The following STPG1 variants were observed in gnomAD, a reference collection of about 807,000 sequenced individuals.
The protein encoded by STPG1 is O(6)-methylguanine-induced apoptosis 2.
Under a neutral mutation model 40.1 loss-of-function variants are expected in STPG1, and 33 were observed. The ratio of observed to expected loss-of-function variants is 0.82; its 90% CI spans 0.62 to 1.10. The LOEUF is 1.10. STPG1 is among the 50% of genes least tolerant of loss of function. The probability of loss-of-function intolerance (pLI) is 0.00; values close to 1 mark genes in which losing one functional copy is unlikely to be tolerated. For synonymous variants in STPG1, 150 were observed against 155.0 expected (o/e 0.97, Z 0.24); for missense variants, 396 against 415.1 (o/e 0.95, Z 0.40).
intron 1 of STPG1, among the ~76,000 whole-genome samples, chr1:24,410,112 AG>A (rs1200296385): frequency 2.6e-5 from 4 of 152,208 alleles, no homozygotes. Flanking sequence ...AGATGGAAAA[AG>A]CATTAAATTT....
At chr1:24,374,773 C>T (rs1304700343) in intron 5 of STPG1, among the ~76,000 whole-genome samples, 2 of 152,016 alleles carry the variant, frequency 1.3e-5, no homozygotes, top group Non-Finnish European at 2.9e-5. Context: ...TTCAGGCACA[C>T]GCCACCACAC....
At chr1:24,409,805 T>C (rs1468151600) in intron 1 of STPG1, among the ~76,000 whole-genome samples, 1 of 152,214 alleles carries the variant, frequency 6.6e-6, no homozygotes, top group Non-Finnish European at 1.5e-5. Flanking sequence ...GTCTCAGTGC[T>C]TGTGTTCAAG....
rs1195118761 is a variant in STPG1 at position 24,369,712 on chromosome 1, GGGGTTGTAATAACCAGGTCCCGGGCC to G, written c.673_698del (p.Gly225GlnfsTer2). Reference sequence around the variant, plus strand: ...TTTTTGGAACTTTTGTGCAATCACTGGGGTTGTAATAACCAGGTCCCGGGCCTGTTGACGTCAGTTTTAATCCACGG... The same window carrying G: ...TTTTTGGAACTTTTGTGCAATCACTGTGTTGACGTCAGTTTTAATCCACGG... On this transcript the variant is annotated frameshift_variant, in exon 7 of 9. Coordinates refer to ENST00000337248, the MANE Select transcript of STPG1 (RefSeq NM_001199013.2). LOFTEE classifies it high-confidence loss of function. The G allele has an allele frequency of 6.2e-7, 1 of 1,607,070 alleles. No individual in the cohort carries two copies. The highest frequency in any genetic ancestry group is 1.3e-5 in the African/African-American group (1 of 74,684).
intron 1 of STPG1, among the ~76,000 whole-genome samples, chr1:24,413,257 G>A (rs1228766347): frequency 6.6e-6 from 1 of 152,236 alleles, no homozygotes; most frequent in Non-Finnish European, 1.5e-5. Context: ...GAGGCCCAGA[G>A]CAGGGAAGTC....
intron 1 of STPG1, among the ~76,000 whole-genome samples, chr1:24,406,971 A>C (rs916478488): frequency 2.0e-5 from 3 of 152,190 alleles, no homozygotes; most frequent in Admixed American, 1.3e-4. Context: ...GTCTCTGTAA[A>C]TCTTTTCATT....
At chr1:24,413,167 G>A (rs1406770405) in intron 1 of STPG1, among the ~76,000 whole-genome samples, 4 of 152,204 alleles carry the variant, frequency 2.6e-5, no homozygotes, top group African/African-American at 9.6e-5. Context: ...AGTGTATCAG[G>A]GAGCTGGAAG....
chr1:24,401,567 T>C, intron 1 of STPG1, 111 bp from the exon 2 acceptor site: 29 of 621,628 alleles, frequency 4.7e-5, no homozygotes, highest in East Asian at 4.4e-4. Flanking sequence ...GGGTGCCGGC[T>C]GAGATCTACC....
chr1:24,384,595 G>C (rs1348395963), intron 3 of STPG1, among the ~76,000 whole-genome samples: 1 of 152,258 alleles, frequency 6.6e-6, no homozygotes, highest in Non-Finnish European at 1.5e-5. Flanking sequence ...AGAGGAATAA[G>C]TGAGAGGTCA....
chr1:24,358,014 T>A lies in STPG1; in HGVS notation c.*529A>T, dbSNP rs910368254. The A allele has an allele frequency of 2.8e-6, 1 of 355,410 alleles. No individual in the cohort carries two copies. Among genetic ancestry groups the A allele is most frequent in the Non-Finnish European group, 5.6e-6 (1 of 179,442 alleles). 22.0% of individuals were successfully genotyped at this position (355,410 alleles called of 1,614,324 possible). ...AAGCTGTGGACTGGTGGAAAAAGCA[T>A]CACCTGCCTGCAGGTAGCTTTCGCC... On this transcript the variant is annotated 3_prime_UTR_variant, in exon 9 of 9. Transcript: ENST00000337248.
chr1:24,358,169 C>A lies in STPG1; in HGVS notation c.*374G>T, dbSNP rs1429860791. 1 of 499,090 alleles carries A rather than the reference C, an allele frequency of 2.0e-6. No homozygotes were observed. The highest frequency in any genetic ancestry group is 1.9e-5 in the African/African-American group (1 of 51,946). 30.9% of individuals were successfully genotyped at this position (499,090 alleles called of 1,614,324 possible). A position where few individuals can be genotyped will look rare whatever the true frequency, so the allele number is the denominator to read the frequency against. On this transcript the variant is annotated 3_prime_UTR_variant, in exon 9 of 9. Transcript: ENST00000337248. ...AGGGTGGGGCTTCCAGGCTTGGCCA[C>A]CTTCAGGGTGGACTGATCCTCCTTG...
intron 6 of STPG1, among the ~76,000 whole-genome samples, chr1:24,370,310 C>T (rs976301672): frequency 6.9e-6 from 1 of 145,140 alleles, no homozygotes; most frequent in African/African-American, 2.6e-5. Flanking sequence ...ATGCAATCAA[C>T]AACTATCTTT....
At chr1:24,367,115 G>A (rs1641508442) in intron 7 of STPG1, among the ~76,000 whole-genome samples, 1 of 152,180 alleles carries the variant, frequency 6.6e-6, no homozygotes, top group Non-Finnish European at 1.5e-5. Flanking sequence ...TACACCCCTG[G>A]GGCCACCTAA....
At chr1:24,372,470 C>T (rs978580588) in intron 6 of STPG1, among the ~76,000 whole-genome samples, 3 of 152,166 alleles carry the variant, frequency 2.0e-5, no homozygotes, top group Non-Finnish European at 4.4e-5. Flanking sequence ...TCTCAGGATC[C>T]CCCCACCCCG....
intron 3 of STPG1, among the ~76,000 whole-genome samples, chr1:24,387,963 C>T (rs1028171378): frequency 6.6e-6 from 1 of 152,178 alleles, no homozygotes; most frequent in African/African-American, 2.4e-5. Context: ...TAACTTTGTA[C>T]GATTTCATCA....
intron 5 of STPG1, among the ~76,000 whole-genome samples, 198 bp from the exon 6 acceptor site, chr1:24,374,008 T>C (rs917396673): frequency 1.3e-5 from 2 of 152,146 alleles, no homozygotes; most frequent in Admixed American, 6.5e-5. Context: ...GTCTATGAGT[T>C]TGTGATCCCT....
intron 4 of STPG1, among the ~76,000 whole-genome samples, chr1:24,382,163 T>G (rs1378172837): frequency 1.3e-5 from 2 of 152,212 alleles, no homozygotes; most frequent in Non-Finnish European, 2.9e-5. Context: ...CTCCTCCAGA[T>G]AGTCAGGCTT....
At chr1:24,364,781 C>T (rs1641347512) in intron 7 of STPG1, among the ~76,000 whole-genome samples, 1 of 152,184 alleles carries the variant, frequency 6.6e-6, no homozygotes. Flanking sequence ...CCTCATTGCT[C>T]AGTTATAAAA....
chr1:24,397,148 G>C (rs1344895631), intron 2 of STPG1, among the ~76,000 whole-genome samples: 1 of 152,100 alleles, frequency 6.6e-6, no homozygotes, highest in African/African-American at 2.4e-5. Context: ...AGTCCTAAAT[G>C]CTGATGTACC....
At chr1:24,394,113 G>C (rs1054409637) in intron 2 of STPG1, among the ~76,000 whole-genome samples, 8 of 152,224 alleles carry the variant, frequency 5.3e-5, no homozygotes, top group South Asian at 2.1e-4. Flanking sequence ...CCCAGGGCTG[G>C]AGAAGGAACC....
Sources: gnomAD v4.1 joint callset for allele counts (sites outside exome capture counted in the v4.1 genomes callset) on GRCh38, gnomAD v4.1.1 for gene constraint, MANE v1.5 for transcripts, NCBI Gene and HGNC (gene_info 2026-07-23, HGNC 2026-07-21) for gene names.